Variants in SEC16B observed in about 807,000 individuals in gnomAD.
SEC16B encodes the protein SEC16 homolog B, endoplasmic reticulum export factor.
Under a neutral mutation model 141.8 loss-of-function variants are expected in SEC16B, and 115 were observed. The observed-to-expected ratio is 0.81, with a 90% CI of 0.70 to 0.95. The LOEUF (loss-of-function observed/expected upper bound fraction) is 0.95. Ranked by LOEUF, SEC16B falls within the 40% of genes least tolerant of loss-of-function variation. SEC16B has a pLI of 0.00. For synonymous variants in SEC16B, 493 were observed against 492.5 expected (o/e 1.00, Z -0.01); for missense variants, 1,291 against 1,312.3 (o/e 0.98, Z 0.25).
chr1:177,941,095 G>A (rs760158058), intron 16 of SEC16B, among the ~76,000 whole-genome samples: 17 of 152,142 alleles, frequency 1.1e-4, no homozygotes, highest in Non-Finnish European at 1.0e-4. Context: ...GATTCCATAC[G>A]TCTGGGCAGG....
At chr1:177,967,256 T>C (rs930033786) in intron 2 of SEC16B, among the ~76,000 whole-genome samples, 1 of 152,332 alleles carries the variant, frequency 6.6e-6, no homozygotes, top group Admixed American at 6.5e-5. Flanking sequence ...GGTAGTGTCA[T>C]GCTAATCCCA....
At chr1:177,948,740 G>C in intron 12 of SEC16B, 19 of 1,183,606 alleles carry the variant, frequency 1.6e-5, no homozygotes, top group Non-Finnish European at 2.0e-5. Context: ...CATCTTACTA[G>C]CTTACCTACC....
intron 1 of SEC16B, among the ~76,000 whole-genome samples, chr1:177,980,224 T>C (rs1654349106): frequency 1.3e-5 from 2 of 152,202 alleles, no homozygotes; most frequent in African/African-American, 4.8e-5. Flanking sequence ...CTAGATGTCA[T>C]TCATTAAATA....
intron 16 of SEC16B, 118 bp downstream of exon 16, chr1:177,941,782 G>A: frequency 8.5e-7 from 1 of 1,176,960 alleles, no homozygotes; most frequent in South Asian, 1.6e-5. Flanking sequence ...GATGGCCGTG[G>A]GCTCCAATTT....
In SEC16B at chr1:177,960,909, A is replaced by G. The variant is rs558592783; in HGVS notation, c.818T>C (p.Met273Thr). The change falls in exon 7 of 26, where the codon ATG becomes ACG. Residue 273 changes from methionine to threonine, a missense_variant. Met to Thr is a moderately conservative substitution (Grantham distance 81). Transcript: ENST00000308284. ...DVSSAGPKAP[M>T]KFYIPHVPVS... ...AGGAACATGAGGGATGTAGAACTTC[A>G]TGGGTGCTTTGGGACCAGCTGAGGA... 6.8e-5 allele frequency: 110 copies of G among 1,613,972 alleles called. 1 individual carries two copies. In the South Asian group the frequency reaches 1.1e-3, roughly 16 times the overall value.
At chr1:177,944,228 A>G (rs982693196) in intron 15 of SEC16B, among the ~76,000 whole-genome samples, 3 of 152,166 alleles carry the variant, frequency 2.0e-5, no homozygotes, top group Admixed American at 6.5e-5. Flanking sequence ...GGAGGCTCAG[A>G]AGAAAGGGAG....
chr1:177,965,657 T>C (rs1653458550), intron 3 of SEC16B, among the ~76,000 whole-genome samples: 1 of 152,014 alleles, frequency 6.6e-6, no homozygotes, highest in East Asian at 1.9e-4. Context: ...ATGGATGAAG[T>C]ACAAACTACC....
At chr1:177,967,581 A>T (rs1361234233) in intron 2 of SEC16B, 102 bp downstream of exon 2, 1 of 1,257,370 alleles carries the variant, frequency 8.0e-7, no homozygotes, top group South Asian at 1.8e-5. Flanking sequence ...AAGGAAAAAG[A>T]AAAAAGGGGG....
chr1:177,979,957 G>C (rs575963561), intron 1 of SEC16B, among the ~76,000 whole-genome samples: 79 of 152,306 alleles, frequency 5.2e-4, no homozygotes, highest in Middle Eastern at 3.4e-3. Context: ...AATTCAAGAT[G>C]AGATTTGGGT....
chr1:177,959,693 A>T (rs1652913263), intron 8 of SEC16B: 1 of 154,236 alleles, frequency 6.5e-6, no homozygotes, highest in Admixed American at 6.4e-5. Context: ...AGCAGGTGTT[A>T]TACCATTTCT....
At chr1:177,944,504 ACAGCTGCCTG>A (rs909767243) in intron 15 of SEC16B, 47 bp downstream of exon 15, 26 of 1,400,188 alleles carry the variant, frequency 1.9e-5, no homozygotes, top group East Asian at 1.1e-4. Context: ...AGCTGCAAAT[ACAGCTGCCTG>A]CAGCTGCCTG....
In SEC16B at chr1:177,937,316, C is replaced by A. The variant is rs1650919368; in HGVS notation, c.2401G>T (p.Val801Phe). Reference protein sequence around the residue: ...QTGTPRPFYSVPETHLPGTGS... With the variant: ...QTGTPRPFYSFPETHLPGTGS... The stretch of plus-strand genomic sequence containing the variant: ...GTCCCTGGTAGATGGGTCTCAGGAA[C>A]TGAGTAAAAAGGCCTCGGTGTCCCT... The change falls in exon 19 of 26, where the codon GTT (valine) becomes TTT (phenylalanine). Residue 801 changes from valine to phenylalanine, a missense_variant. Physicochemically the swap from Val to Phe is conservative, Grantham distance 50. Coordinates refer to ENST00000308284, the MANE Select transcript of SEC16B (RefSeq NM_033127.4). The A allele has an allele frequency of 1.2e-6, 2 of 1,613,924 alleles. No individual in the cohort carries two copies. Among genetic ancestry groups the A allele is most frequent in the Non-Finnish European group, 1.7e-6 (2 of 1,179,892 alleles).
intron 1 of SEC16B, among the ~76,000 whole-genome samples, chr1:177,969,673 G>A (rs902048633): frequency 1.3e-5 from 2 of 152,116 alleles, no homozygotes; most frequent in Non-Finnish European, 2.9e-5. Context: ...ATCAACTCCA[G>A]CAAATCAGTC....
upstream of SEC16B, among the ~76,000 whole-genome samples, chr1:177,971,083 C>T (rs1334031988): frequency 6.9e-6 from 1 of 145,832 alleles, no homozygotes; most frequent in Non-Finnish European, 1.5e-5. Context: ...CTAATGGTTT[C>T]TTTTTTTTTT....
At position 177,947,826 on chromosome 1, in the gene SEC16B, C is replaced by A; in HGVS notation, c.1662G>T (p.Leu554=). ...QRAIVAIGDT[L]AGKGLVEAAH... ...AGGGGAAATGCTGGTGTCGCTTACC[C>A]AGGGTGTCCCCAATGGCAACAATCG... is the stretch of plus-strand genomic sequence containing the variant. Residue 554 remains leucine, a splice_region_variant and synonymous_variant, in exon 13 of 26, where the codon CTG becomes CTT. Coordinates refer to ENST00000308284, the MANE Select transcript of SEC16B (RefSeq NM_033127.4). 1 of 1,525,808 alleles carries A rather than the reference C, an allele frequency of 6.6e-7. No individual in the cohort carries two copies. The allele number at this position is 1,525,808 out of a possible 1,614,324, so 94.5% of individuals were successfully genotyped here. A position where few individuals can be genotyped will look rare whatever the true frequency, so the allele number is the denominator to read the frequency against.
intron 24 of SEC16B, among the ~76,000 whole-genome samples, chr1:177,931,059 C>T (rs1175000721): frequency 6.6e-6 from 1 of 152,200 alleles, no homozygotes; most frequent in Non-Finnish European, 1.5e-5. Flanking sequence ...TTTGATCCAG[C>T]AATCCCACTA....
intron 4 of SEC16B, 41 bp downstream of exon 4, chr1:177,965,006 T>C (rs761306610): frequency 6.2e-7 from 1 of 1,607,848 alleles, no homozygotes; most frequent in Non-Finnish European, 8.5e-7. Flanking sequence ...AGTCTGAGTT[T>C]GACAACATCA....
chr1:177,932,564 C>G lies in SEC16B; in HGVS notation c.2938G>C (p.Gly980Arg). 1 of 1,557,994 alleles carries G rather than the reference C, an allele frequency of 6.4e-7. No homozygotes were observed. Among genetic ancestry groups the G allele is most frequent in the Non-Finnish European group, 8.7e-7 (1 of 1,152,102 alleles). Reference sequence around the variant, plus strand: ...CTGGATGCGGATCCTCGGCCTTCACCCCCACCTGGAAAGTAATGAGGCAGA... The same window carrying G: ...CTGGATGCGGATCCTCGGCCTTCACGCCCACCTGGAAAGTAATGAGGCAGA... Reference protein sequence around the residue: ...VSAFSRGRGGGEGRGSASSGG... With the variant: ...VSAFSRGRGGREGRGSASSGG... The change falls in exon 24 of 26, where the codon GGT (glycine) becomes CGT (arginine). Residue 980 changes from glycine (G) to arginine (R), a missense_variant. Around this residue, in one of 3 missense-constraint regions of SEC16B, gnomAD observed 605 missense variants for 614.1 expected, o/e 0.99. Coordinates refer to ENST00000308284, the MANE Select transcript of SEC16B (RefSeq NM_033127.4).
At chr1:177,946,162 C>T in intron 14 of SEC16B, 1 of 597,610 alleles carries the variant, frequency 1.7e-6, no homozygotes, top group South Asian at 2.0e-5. Flanking sequence ...GGCCAAAGGG[C>T]ACAATACCAC....
Sources: gnomAD v4.1 joint callset for allele counts (sites outside exome capture counted in the v4.1 genomes callset) on GRCh38, gnomAD v4.1.1 for gene constraint, gnomAD v4.1.1 regional missense constraint, MANE v1.5 for transcripts, NCBI Gene and HGNC (gene_info 2026-07-23, HGNC 2026-07-21) for gene names.